ASPH: variants seen among roughly 807,000 people sequenced by gnomAD.
ASPH encodes the protein aspartate beta-hydroxylase.
ASPH carries 100 observed loss-of-function variants against 118.4 expected under a neutral mutation model. The ratio of observed to expected loss-of-function variants is 0.84; its 90% confidence interval spans 0.72 to 1.00. The LOEUF is 1.00. Among genes scored for constraint, ASPH ranks in the 50% least tolerant of loss-of-function variants. The probability of loss-of-function intolerance (pLI) is 0.00; values close to 1 mark genes in which losing one functional copy is unlikely to be tolerated. For missense variants in ASPH, 920 were observed against 919.5 expected (o/e 1.00, Z -0.01); for synonymous variants, 315 against 325.6 (o/e 0.97, Z 0.35).
At chr8:61,553,208 G>T in intron 19 of ASPH, 88 bp from the exon 20 acceptor site, 2 of 1,046,910 alleles carry the variant, frequency 1.9e-6, no homozygotes, top group South Asian at 1.6e-5. Context: ...ATGGCACATC[G>T]TATGAAAACC....
intron 10 of ASPH, among the ~76,000 whole-genome samples, chr8:61,640,464 G>A (rs992245788): frequency 3.9e-5 from 6 of 152,238 alleles, no homozygotes; most frequent in East Asian, 1.9e-4. Context: ...GACCTCATAC[G>A]ACTCTCCAGT....
intron 20 of ASPH, among the ~76,000 whole-genome samples, chr8:61,552,685 C>T (rs1184582767): frequency 6.6e-6 from 1 of 152,048 alleles, no homozygotes; most frequent in Non-Finnish European, 1.5e-5. Flanking sequence ...TTAAAAAATA[C>T]TTTTCCAAGG....
chr8:61,613,795 G>A (rs542501473), intron 14 of ASPH, among the ~76,000 whole-genome samples: 127 of 152,302 alleles, frequency 8.3e-4, no homozygotes, highest in Middle Eastern at 3.4e-3. Flanking sequence ...GCTGCACTAA[G>A]AAGTTTATTT....
intron 10 of ASPH, among the ~76,000 whole-genome samples, chr8:61,640,270 C>G (rs1804514316): frequency 6.6e-6 from 1 of 152,186 alleles, no homozygotes; most frequent in South Asian, 2.1e-4. Flanking sequence ...ACTGTTCTCC[C>G]TGTATTGACT....
At chr8:61,657,103 G>A (rs13280113) in intron 3 of ASPH, 123,407 of 152,150 alleles carry the variant, frequency 0.81, 50,138 homozygotes, top group Non-Finnish European at 0.84. Context: ...CAGATAGTAC[G>A]GGGAAGACAC....
intron 14 of ASPH, among the ~76,000 whole-genome samples, chr8:61,606,270 C>G (rs981314202): frequency 2.0e-5 from 3 of 152,142 alleles, no homozygotes; most frequent in Non-Finnish European, 4.4e-5. Flanking sequence ...CACCCTATGA[C>G]TAGCTGAATG....
intron 22 of ASPH, among the ~76,000 whole-genome samples, chr8:61,522,883 C>T (rs1261333755): frequency 1.3e-5 from 2 of 152,102 alleles, no homozygotes; most frequent in Non-Finnish European, 2.9e-5. Context: ...ATCCTTATGA[C>T]CTCATTTAAT....
At position 61,502,172 on chromosome 8, in the gene ASPH, T is replaced by C. The variant is rs1460994572; in HGVS notation, c.*1187A>G. 6.6e-6 allele frequency: 1 copy of C among 152,208 alleles called. No individual in the cohort carries two copies. The highest frequency in any genetic ancestry group is 1.9e-4 in the East Asian group (1 of 5,204). 9.4% of individuals were successfully genotyped at this position (152,208 alleles called of 1,614,324 possible). On this transcript the variant is annotated 3_prime_UTR_variant, in exon 25 of 25. Coordinates refer to ENST00000379454, the MANE Select transcript of ASPH (RefSeq NM_004318.4). ...AAAACTAAATACAGATGATAATAAT[T>C]GCTATTTCACAGTGATGTTTAAAAT...
chr8:61,587,779 T>C (rs1839895280), intron 14 of ASPH, among the ~76,000 whole-genome samples: 1 of 152,216 alleles, frequency 6.6e-6, no homozygotes, highest in Non-Finnish European at 1.5e-5. Flanking sequence ...TATCCTATTT[T>C]TATTTTTAAG....
intron 14 of ASPH, among the ~76,000 whole-genome samples, chr8:61,584,538 C>A (rs773024126): frequency 3.3e-5 from 5 of 152,200 alleles, no homozygotes; most frequent in Non-Finnish European, 7.3e-5. Flanking sequence ...CAGCTATGTT[C>A]CATACTTCAG....
chr8:61,676,978 T>C (rs1320879328), intron 3 of ASPH, among the ~76,000 whole-genome samples: 1 of 152,156 alleles, frequency 6.6e-6, no homozygotes, highest in African/African-American at 2.4e-5. Flanking sequence ...CACTATTAAA[T>C]GTGGTAGCTC....
intron 5 of ASPH, among the ~76,000 whole-genome samples, chr8:61,647,884 A>C (rs1808850845): frequency 6.6e-6 from 1 of 152,080 alleles, no homozygotes. Flanking sequence ...ATGTTGCATG[A>C]TTCCACTGCA....
chr8:61,553,188 A>C (rs567651659), intron 19 of ASPH, 68 bp from the exon 20 acceptor site: 42 of 1,234,698 alleles, frequency 3.4e-5, no homozygotes, highest in Non-Finnish European at 4.8e-5. Flanking sequence ...TGATTTACAT[A>C]GCTTTTCTTA....
chr8:61,639,886 G>A (rs565520716), intron 10 of ASPH, among the ~76,000 whole-genome samples: 20 of 152,292 alleles, frequency 1.3e-4, no homozygotes, highest in African/African-American at 4.8e-4. Flanking sequence ...GGCTGCAGAA[G>A]CAGAAGAGTG....
Position 61,576,756 on chromosome 8 carries a change from A to C in ASPH, c.1149+16T>G, listed in dbSNP as rs1328615025. 2.5e-6 allele frequency: 4 copies of C among 1,598,818 alleles called. No homozygotes were observed. The highest frequency in any genetic ancestry group is 3.4e-6 in the Non-Finnish European group (4 of 1,171,594). ...AACATCAAAAAAGTGTCCTAAGGAGAAGGGTCTCAGAATACCTGCGCCTTC... is the reference window on the plus strand; with the variant it reads ...AACATCAAAAAAGTGTCCTAAGGAGCAGGGTCTCAGAATACCTGCGCCTTC... On this transcript the variant is annotated intron_variant, in intron 16 of 24. Coordinates refer to ENST00000379454, the MANE Select transcript of ASPH (RefSeq NM_004318.4).
intron 13 of ASPH, chr8:61,628,328 T>C (rs1221825690): frequency 5.7e-5 from 5 of 87,576 alleles, no homozygotes; most frequent in East Asian, 3.7e-4. Context: ...CCCGGCTTTT[T>C]TTTTTTTTTT....
At chr8:61,556,411 A>G (rs928543515) in intron 18 of ASPH, among the ~76,000 whole-genome samples, 2 of 152,234 alleles carry the variant, frequency 1.3e-5, no homozygotes, top group Non-Finnish European at 2.9e-5. Flanking sequence ...ACAATTCTGA[A>G]TGGTTATTAG....
In ASPH at chr8:61,562,389, CTGTG is replaced by C. The variant is rs150312211; in HGVS notation, c.1437+351_1437+354del. 5.5e-3 allele frequency among the ~76,000 whole-genome samples: 704 copies of C among 128,970 alleles called. 22 individuals are homozygous for C. The highest frequency in any genetic ancestry group is 7.5e-3 in the Admixed American group (93 of 12,340). The allele number at this position is 128,970 out of a possible 152,430, so 84.6% of individuals were successfully genotyped here. ...AAAAAAAAAAAAAAGGAAAGTGTGT[CTGTG>C]TGTGTGTGTGTGTGTGTGTGTGTGT... On this transcript the variant is annotated intron_variant, in intron 18 of 24. Transcript: ENST00000379454.
At chr8:61,628,660 A>G (rs758806074) in intron 13 of ASPH, among the ~76,000 whole-genome samples, 31 of 152,120 alleles carry the variant, frequency 2.0e-4, no homozygotes, top group Admixed American at 9.8e-4. Flanking sequence ...AACTAGCACA[A>G]GGACATCTGG....
Sources: allele counts gnomAD v4.1 joint callset (sites outside exome capture counted in the v4.1 genomes callset), GRCh38; gene constraint gnomAD v4.1.1; transcripts MANE v1.5; gene names NCBI Gene and HGNC (gene_info 2026-07-23, HGNC 2026-07-21).